Variants in MAGI1 observed in about 807,000 individuals in gnomAD.
MAGI1 encodes the protein membrane-associated guanylate kinase, WW and PDZ domain-containing protein 1.
A neutral mutation model predicts 139.9 loss-of-function variants in MAGI1; 58 were observed. That is an observed-to-expected ratio of 0.41 (90% CI 0.34 to 0.52). The LOEUF is 0.52. MAGI1 is among the 20% of genes least tolerant of loss of function. The pLI, the probability that MAGI1 is intolerant of heterozygous loss-of-function variation, is 0.12. For synonymous variants in MAGI1, 812 were observed against 737.9 expected, an observed-to-expected ratio of 1.10 and a Z score of -1.63; for missense variants, 1,874 against 1,901.6, an observed-to-expected ratio of 0.99 and a Z score of 0.27.
chr3:65,384,845 G>A (rs923713087), intron 14 of MAGI1, among the ~76,000 whole-genome samples: 5 of 151,836 alleles, frequency 3.3e-5, no homozygotes, highest in African/African-American at 4.8e-5. Context: ...AGGGATTTAA[G>A]CATCCATGGA....
intron 1 of MAGI1, among the ~76,000 whole-genome samples, chr3:65,943,107 T>C (rs2063389040): frequency 6.6e-6 from 1 of 152,254 alleles, no homozygotes; most frequent in Admixed American, 6.5e-5. Flanking sequence ...ATACAATCTA[T>C]ATAACTCTTG....
At chr3:65,757,590 A>C (rs969753653) in intron 1 of MAGI1, among the ~76,000 whole-genome samples, 2 of 152,200 alleles carry the variant, frequency 1.3e-5, no homozygotes, top group African/African-American at 4.8e-5. Flanking sequence ...GTGAGCCAAG[A>C]TCACACCATT....
intron 1 of MAGI1, among the ~76,000 whole-genome samples, chr3:65,878,974 G>A (rs1300245400): frequency 6.6e-6 from 1 of 152,120 alleles, no homozygotes; most frequent in Non-Finnish European, 1.5e-5. Flanking sequence ...CCTTTCACCT[G>A]CCCCTGCTGC....
chr3:65,553,214 G>C (rs148549555), intron 2 of MAGI1, among the ~76,000 whole-genome samples: 1 of 151,012 alleles, frequency 6.6e-6, no homozygotes. Context: ...AGCTATGCAC[G>C]GTATAACAAT....
chr3:65,733,448 A>G (rs780007499), intron 1 of MAGI1, among the ~76,000 whole-genome samples: 2 of 152,244 alleles, frequency 1.3e-5, no homozygotes, highest in Middle Eastern at 3.2e-3. Flanking sequence ...AAACACTGTA[A>G]TAAGAAAAAC....
At chr3:65,574,445 TAAAAAAAA>T (rs56669559) in intron 2 of MAGI1, among the ~76,000 whole-genome samples, 1 of 108,574 alleles carries the variant, frequency 9.2e-6, no homozygotes, top group African/African-American at 3.3e-5. Context: ...GCATAGAAAC[TAAAAAAAA>T]AAAAAAAAAA....
rs574677282 is a variant in MAGI1, at chr3:65,507,532, C to G, written c.431-13901G>C. On this transcript the variant is annotated intron_variant, in intron 2 of 22. Coordinates refer to ENST00000402939, the MANE Select transcript of MAGI1 (RefSeq NM_001033057.2). ...TTGTTCGTAACATGCTTATGTTTTC[C>G]CCCATAAATAATGACATCAGCAGAT... 2.6e-5 allele frequency among the ~76,000 whole-genome samples: 4 copies of G among 152,256 alleles called. No individual in the cohort carries two copies. In the East Asian group the frequency reaches 7.7e-4, roughly 29 times the overall value.
chr3:65,681,347 A>G (rs2087578184), intron 1 of MAGI1, among the ~76,000 whole-genome samples: 1 of 152,312 alleles, frequency 6.6e-6, no homozygotes, highest in Non-Finnish European at 1.5e-5. Context: ...ATTTCTCACG[A>G]GAGTCCCTGG....
intron 1 of MAGI1, among the ~76,000 whole-genome samples, chr3:65,717,984 A>G (rs1286250477): frequency 6.6e-6 from 1 of 152,186 alleles, no homozygotes; most frequent in Non-Finnish European, 1.5e-5. Flanking sequence ...ACCATGGTAG[A>G]TTCTGTCTAA....
chr3:65,400,149 C>T (rs1944737634), intron 13 of MAGI1, among the ~76,000 whole-genome samples: 1 of 152,206 alleles, frequency 6.6e-6, no homozygotes, highest in Non-Finnish European at 1.5e-5. Context: ...CATGCACACA[C>T]TTTGGCATCT....
At chr3:65,555,291 T>C (rs946293731) in intron 2 of MAGI1, among the ~76,000 whole-genome samples, 6 of 152,216 alleles carry the variant, frequency 3.9e-5, no homozygotes, top group East Asian at 3.9e-4. Flanking sequence ...ATGGTTAACA[T>C]AGTATTTTCC....
intron 1 of MAGI1, among the ~76,000 whole-genome samples, chr3:65,900,177 C>CGTTATTGCAAGGA (rs1291971774): frequency 6.6e-6 from 1 of 152,102 alleles, no homozygotes; most frequent in Non-Finnish European, 1.5e-5. Context: ...TTGCTTTGCA[C>CGTTATTGCAAGGA]GTTATTGCAA....
intron 2 of MAGI1, among the ~76,000 whole-genome samples, chr3:65,617,423 G>C (rs1213553427): frequency 2.0e-5 from 3 of 152,200 alleles, no homozygotes; most frequent in African/African-American, 4.8e-5. Context: ...GTCAGGTAAT[G>C]CATTTATCTT....
intron 1 of MAGI1, among the ~76,000 whole-genome samples, chr3:65,992,326 T>C (rs996820305): frequency 6.6e-6 from 1 of 152,234 alleles, no homozygotes; most frequent in African/African-American, 2.4e-5. Context: ...ACAAAGACAG[T>C]CCTTCCATAG....
intron 1 of MAGI1, among the ~76,000 whole-genome samples, chr3:65,837,064 G>GA (rs1211525267): frequency 1.3e-5 from 2 of 152,030 alleles, no homozygotes; most frequent in Non-Finnish European, 2.9e-5. Flanking sequence ...TTCCTAAGAA[G>GA]TAACTACTGA....
intron 2 of MAGI1, among the ~76,000 whole-genome samples, chr3:65,523,360 T>C (rs545811377): frequency 2.0e-5 from 3 of 151,860 alleles, no homozygotes; most frequent in Admixed American, 1.3e-4. Flanking sequence ...ATAAACACCA[T>C]TTAATGTGGC....
chr3:65,661,938 G>A (rs554367154), intron 1 of MAGI1, among the ~76,000 whole-genome samples: 20 of 151,476 alleles, frequency 1.3e-4, no homozygotes, highest in Non-Finnish European at 2.5e-4. Flanking sequence ...TAGTAGAGAC[G>A]GGGTTTCACC....
At chr3:65,508,034 T>C (rs2077372946) in intron 2 of MAGI1, among the ~76,000 whole-genome samples, 1 of 152,206 alleles carries the variant, frequency 6.6e-6, no homozygotes, top group South Asian at 2.1e-4. Flanking sequence ...CCACACTGAC[T>C]TTAAAAATAA....
chr3:65,613,712 T>C (rs1383465779), intron 2 of MAGI1, among the ~76,000 whole-genome samples: 1 of 152,184 alleles, frequency 6.6e-6, no homozygotes, highest in Non-Finnish European at 1.5e-5. Flanking sequence ...AATGTGCTGT[T>C]TCAAGCATGC....
Sources: gnomAD v4.1 joint callset for allele counts (sites outside exome capture counted in the v4.1 genomes callset) on GRCh38, gnomAD v4.1.1 for gene constraint, MANE v1.5 for transcripts, NCBI Gene and HGNC (gene_info 2026-07-23, HGNC 2026-07-21) for gene names.